Variants in RFX4 observed in about 807,000 individuals in gnomAD.
RFX4 encodes regulatory factor X4.
RFX4 carries 10 observed loss-of-function variants against 95.0 expected under a neutral mutation model. That is an observed-to-expected ratio of 0.11 (90% CI 0.06 to 0.18). The LOEUF (loss-of-function observed/expected upper bound fraction) is 0.18. Among genes scored for constraint, RFX4 ranks in the 10% least tolerant of loss-of-function variants. The probability of loss-of-function intolerance (pLI) is 1.00; values close to 1 mark genes in which losing one functional copy is unlikely to be tolerated. For missense variants in RFX4, 640 were observed against 922.0 expected (o/e 0.69, Z 3.96); for synonymous variants, 321 against 340.7 (o/e 0.94, Z 0.64).
intron 1 of RFX4, among the ~76,000 whole-genome samples, chr12:106,595,508 C>A (rs533691972): frequency 1.6e-4 from 24 of 152,324 alleles, no homozygotes; most frequent in African/African-American, 5.5e-4. Flanking sequence ...GCACTCCTCC[C>A]TGAGTGGGTG....
intron 15 of RFX4, among the ~76,000 whole-genome samples, chr12:106,734,773 AG>A (rs2137570384): frequency 6.6e-6 from 1 of 151,934 alleles, no homozygotes; most frequent in Non-Finnish European, 1.5e-5. Context: ...AGAACTAAAA[AG>A]AAATCAGCCA....
chr12:106,690,294 C>T (rs780544114), intron 7 of RFX4, among the ~76,000 whole-genome samples: 55 of 152,230 alleles, frequency 3.6e-4, no homozygotes, highest in Non-Finnish European at 6.5e-4. Flanking sequence ...GACTTTTATC[C>T]ACTAGACTTC....
intron 4 of RFX4, among the ~76,000 whole-genome samples, chr12:106,671,873 G>A (rs2041287769): frequency 2.6e-5 from 4 of 152,148 alleles, no homozygotes; most frequent in South Asian, 4.2e-4. Flanking sequence ...TGTTGCCCAG[G>A]CTTGTCTCAA....
At position 106,647,209 on chromosome 12, in the gene RFX4, A is replaced by G. The variant is rs77163788; in HGVS notation, c.192-7019A>G. Among the ~76,000 whole-genome samples the G allele has an allele frequency of 6.4e-3, 971 of 152,304 alleles. 17 individuals carry two copies. The highest frequency in any genetic ancestry group is 0.022 in the African/African-American group (916 of 41,562). The stretch of plus-strand genomic sequence containing the variant: ...GTGCCTGGCATATAGTAGGTGCTCA[A>G]TAAATGTATTCTGACTAACCAAATG... On this transcript the variant is annotated intron_variant, in intron 3 of 17. Transcript: ENST00000392842.
chr12:106,645,919 A>T (rs1418601940), intron 3 of RFX4: 1 of 1,289,216 alleles, frequency 7.8e-7, no homozygotes, highest in South Asian at 1.2e-5. Context: ...GGATGACCTC[A>T]GCTACAGATG....
chr12:106,659,634 A>G (rs913512951), intron 4 of RFX4, among the ~76,000 whole-genome samples: 1 of 152,220 alleles, frequency 6.6e-6, no homozygotes, highest in Non-Finnish European at 1.5e-5. Flanking sequence ...CTTTACATAT[A>G]TCAACCGTGT....
At position 106,583,279 on chromosome 12, in the gene RFX4, T is replaced by C; in HGVS notation, c.-42T>C. 7.6e-7 allele frequency: 1 copy of C among 1,313,442 alleles called. No homozygotes were observed. The highest frequency in any genetic ancestry group is 1.0e-6 in the Non-Finnish European group (1 of 1,001,428). 81.4% of individuals were successfully genotyped at this position (1,313,442 alleles called of 1,614,324 possible). On this transcript the variant is annotated 5_prime_UTR_variant, in exon 1 of 18. Transcript: ENST00000392842. The stretch of plus-strand genomic sequence containing the variant: ...CTCTAGCACAGGGGATCCCCAAACA[T>C]CAGGACTTTTGGGGGGCGCCTGTGC...
chr12:106,667,602 A>G (rs942793686), intron 4 of RFX4, among the ~76,000 whole-genome samples: 1 of 152,122 alleles, frequency 6.6e-6, no homozygotes, highest in African/African-American at 2.4e-5. Flanking sequence ...ATTACAATTC[A>G]GGTGTTCCTA....
chr12:106,688,236 A>C lies in RFX4; in HGVS notation c.592-1051A>C, dbSNP rs774982040. 8.4e-4 allele frequency among the ~76,000 whole-genome samples: 128 copies of C among 151,814 alleles called. 1 individual carries two copies. Among genetic ancestry groups the C allele is most frequent in the Non-Finnish European group, 1.6e-4 (11 of 67,964 alleles). On this transcript the variant is annotated intron_variant, in intron 6 of 17. Transcript: ENST00000392842. ...AGGCGCCCGCCATCACACCCAGCTA[A>C]TTTTTGTATTTTTAGTAGAGACGGG...
chr12:106,761,879 T>C lies in RFX4; in HGVS notation c.*410T>C, dbSNP rs912092129. Reference sequence around the variant, plus strand: ...TGGAGACAGAATCTGGTTTGTGTTCTTGGATGGGCACATAATTTACCAAGA... The same window carrying C: ...TGGAGACAGAATCTGGTTTGTGTTCCTGGATGGGCACATAATTTACCAAGA... On this transcript the variant is annotated 3_prime_UTR_variant, in exon 18 of 18. Coordinates refer to ENST00000392842, the MANE Select transcript of RFX4 (RefSeq NM_213594.3). The C allele has an allele frequency of 6.5e-6, 1 of 153,678 alleles. No homozygotes were observed. The highest frequency in any genetic ancestry group is 1.5e-5 in the Non-Finnish European group (1 of 68,898). The allele number at this position is 153,678 out of a possible 1,614,324, so 9.5% of individuals were successfully genotyped here.
chr12:106,686,138 C>A (rs2041638908), intron 5 of RFX4, among the ~76,000 whole-genome samples: 1 of 152,174 alleles, frequency 6.6e-6, no homozygotes, highest in Admixed American at 6.5e-5. Flanking sequence ...CAAGGCCAGG[C>A]GCGGTGGCTC....
At chr12:106,732,354 AT>A in intron 14 of RFX4, 105 bp downstream of exon 14, 5 of 1,465,612 alleles carry the variant, frequency 3.4e-6, no homozygotes, top group Non-Finnish European at 4.6e-6. Context: ...GAATTTAGTT[AT>A]GGTGAACAGG....
intron 5 of RFX4, chr12:106,684,880 T>C (rs771198530): frequency 2.5e-6 from 4 of 1,610,188 alleles, no homozygotes; most frequent in Non-Finnish European, 3.4e-6. Flanking sequence ...AGATTCGAGA[T>C]GCCCACTAAG....
chr12:106,656,800 C>T (rs1565967108), intron 4 of RFX4, among the ~76,000 whole-genome samples: 1 of 152,182 alleles, frequency 6.6e-6, no homozygotes, highest in African/African-American at 2.4e-5. Flanking sequence ...TCACTCACCC[C>T]AAATGGCATT....
rs1305390046 is a variant in RFX4, at chr12:106,696,455, G to A, written c.833+9G>A. 1 of 1,613,974 alleles carries A rather than the reference G, an allele frequency of 6.2e-7. No homozygotes were observed. On this transcript the variant is annotated intron_variant, in intron 8 of 17. Coordinates refer to ENST00000392842, the MANE Select transcript of RFX4 (RefSeq NM_213594.3). ...CAGGCATTACCTGACAGGTGGGCAT[G>A]CTTATTCTTGTCTTCCTTCACGGCT... is the stretch of plus-strand genomic sequence containing the variant.
At chr12:106,674,033 A>G (rs2137375978) in intron 4 of RFX4, among the ~76,000 whole-genome samples, 1 of 152,326 alleles carries the variant, frequency 6.6e-6, no homozygotes, top group African/African-American at 2.4e-5. Context: ...GAGTAAAAGC[A>G]GACAGCTTAC....
intron 2 of RFX4, 79 bp downstream of exon 2, chr12:106,608,962 G>A: frequency 7.6e-7 from 1 of 1,314,200 alleles, no homozygotes; most frequent in Non-Finnish European, 1.1e-6. Context: ...CCACTAGATT[G>A]CTAGGCTGGG....
intron 14 of RFX4, 61 bp from the exon 15 acceptor site, chr12:106,732,863 T>G: frequency 6.6e-7 from 1 of 1,509,964 alleles, no homozygotes; most frequent in Non-Finnish European, 9.1e-7. Flanking sequence ...CTTTTTAAAG[T>G]CTTTTAGAGA....
intron 4 of RFX4, among the ~76,000 whole-genome samples, chr12:106,667,480 AG>A (rs1340744072): frequency 1.6e-4 from 24 of 152,218 alleles, no homozygotes; most frequent in Admixed American, 2.6e-4. Flanking sequence ...AACCTGGTCA[AG>A]CTCCTAGAGG....
Sources: allele counts gnomAD v4.1 joint callset (sites outside exome capture counted in the v4.1 genomes callset), GRCh38; gene constraint gnomAD v4.1.1; transcripts MANE v1.5; gene names NCBI Gene and HGNC (gene_info 2026-07-23, HGNC 2026-07-21).